The following CDH12 variants were observed in gnomAD, a reference collection of about 807,000 sequenced individuals.
The protein encoded by CDH12 is cadherin-12.
A neutral mutation model predicts 74.1 loss-of-function variants in CDH12; 41 were observed. The observed-to-expected ratio is 0.55, with a 90% CI of 0.43 to 0.72. The LOEUF (loss-of-function observed/expected upper bound fraction) is 0.72. CDH12 is among the 30% of genes least tolerant of loss of function. The pLI is 0.00. For missense variants in CDH12, 945 were observed against 977.2 expected, an observed-to-expected ratio of 0.97 and a Z score of 0.44; for synonymous variants, 399 against 355.0, an observed-to-expected ratio of 1.12 and a Z score of -1.39.
intron 3 of CDH12, among the ~76,000 whole-genome samples, chr5:22,245,592 G>C (rs1490223625): frequency 6.6e-6 from 1 of 151,894 alleles, no homozygotes; most frequent in East Asian, 1.9e-4. Context: ...TACCTTGAAT[G>C]TAAGAACTAC....
At chr5:22,114,791 T>A (rs985840723) in intron 4 of CDH12, among the ~76,000 whole-genome samples, 1 of 152,118 alleles carries the variant, frequency 6.6e-6, no homozygotes, top group African/African-American at 2.4e-5. Context: ...CAAAAGAAAA[T>A]CCAGGATATT....
chr5:22,761,257 T>G (rs1420544343), intron 1 of CDH12, among the ~76,000 whole-genome samples: 6 of 152,178 alleles, frequency 3.9e-5, no homozygotes, highest in African/African-American at 7.2e-5. Flanking sequence ...GTTTCATGAT[T>G]TATATCCTGG....
chr5:21,880,166 G>A (rs538085244), intron 6 of CDH12, among the ~76,000 whole-genome samples: 2 of 152,308 alleles, frequency 1.3e-5, no homozygotes, highest in South Asian at 2.1e-4. Context: ...AGGGTTCACC[G>A]ACTTGGAAGT....
chr5:22,726,857 A>C (rs925980999), intron 1 of CDH12, among the ~76,000 whole-genome samples: 1 of 151,836 alleles, frequency 6.6e-6, no homozygotes, highest in Admixed American at 6.6e-5. Flanking sequence ...TTGCTAGAGC[A>C]GTGGATTATA....
chr5:22,046,125 C>A (rs1219353526), intron 5 of CDH12, among the ~76,000 whole-genome samples: 1 of 152,028 alleles, frequency 6.6e-6, no homozygotes, highest in Non-Finnish European at 1.5e-5. Context: ...AACTATAGGT[C>A]GTTTACTTGT....
chr5:22,572,120 CA>C (rs765827349), intron 1 of CDH12, among the ~76,000 whole-genome samples: 5 of 151,916 alleles, frequency 3.3e-5, no homozygotes, highest in Non-Finnish European at 5.9e-5. Context: ...TGAGTCTTTA[CA>C]AGTAAACATG....
chr5:21,759,132 A>G (rs1450732862), intron 13 of CDH12, among the ~76,000 whole-genome samples: 7 of 152,166 alleles, frequency 4.6e-5, no homozygotes, highest in Non-Finnish European at 8.8e-5. Flanking sequence ...AAAATTTTAA[A>G]AAGTAAAATT....
chr5:22,801,252 G>A (rs1198916072), intron 1 of CDH12, among the ~76,000 whole-genome samples: 1 of 152,062 alleles, frequency 6.6e-6, no homozygotes, highest in African/African-American at 2.4e-5. Flanking sequence ...GGTGTGCAGT[G>A]GTTCCATAGA....
intron 1 of CDH12, among the ~76,000 whole-genome samples, chr5:22,568,492 T>G (rs1261290403): frequency 1.3e-5 from 2 of 152,120 alleles, no homozygotes; most frequent in African/African-American, 2.4e-5. Context: ...AACATTTAAT[T>G]TTATCTGTTA....
chr5:22,735,355 T>C (rs1367476244), intron 1 of CDH12, among the ~76,000 whole-genome samples: 1 of 151,848 alleles, frequency 6.6e-6, no homozygotes, highest in Non-Finnish European at 1.5e-5. Flanking sequence ...AGGTCTTACT[T>C]GAAAATTTAT....
At chr5:21,938,748 A>ATATATATATATATC (rs1490336535) in intron 6 of CDH12, among the ~76,000 whole-genome samples, 121 of 136,512 alleles carry the variant, frequency 8.9e-4, no homozygotes, top group Middle Eastern at 3.7e-3. Flanking sequence ...ATATATATAT[A>ATATATATATATATC]TCTTCTACAT....
chr5:21,931,358 A>G (rs565224817), intron 6 of CDH12, among the ~76,000 whole-genome samples: 1 of 152,192 alleles, frequency 6.6e-6, no homozygotes, highest in African/African-American at 2.4e-5. Context: ...GTGTCTAATT[A>G]GAAACTACCT....
At chr5:21,786,261 C>T (rs927395148) in intron 10 of CDH12, among the ~76,000 whole-genome samples, 1 of 152,200 alleles carries the variant, frequency 6.6e-6, no homozygotes, top group African/African-American at 2.4e-5. Flanking sequence ...TCAAGCGATT[C>T]TCCTGCCTCA....
chr5:22,421,557 T>A (rs1743653786), intron 2 of CDH12, among the ~76,000 whole-genome samples: 1 of 152,168 alleles, frequency 6.6e-6, no homozygotes, highest in South Asian at 2.1e-4. Context: ...ATGGTGTATA[T>A]GTGCCATCTT....
At chr5:22,287,364 A>G (rs1159254534) in intron 3 of CDH12, among the ~76,000 whole-genome samples, 1 of 152,162 alleles carries the variant, frequency 6.6e-6, no homozygotes, top group East Asian at 1.9e-4. Context: ...TTGATAATAT[A>G]AATGTCAATT....
intron 4 of CDH12, among the ~76,000 whole-genome samples, chr5:22,126,227 G>A: frequency 6.6e-6 from 1 of 152,200 alleles, no homozygotes; most frequent in East Asian, 1.9e-4. Context: ...GAAGCACTTA[G>A]GGAAATGTGT....
intron 5 of CDH12, among the ~76,000 whole-genome samples, chr5:22,045,849 G>A (rs948615699): frequency 2.6e-5 from 4 of 152,248 alleles, no homozygotes; most frequent in Non-Finnish European, 4.4e-5. Flanking sequence ...TTACAGTTAA[G>A]AGGGATAAAT....
At chr5:22,368,605 T>C (rs537811686) in intron 3 of CDH12, among the ~76,000 whole-genome samples, 89 of 152,196 alleles carry the variant, frequency 5.8e-4, no homozygotes, top group African/African-American at 2.1e-3. Context: ...ATAATAAATA[T>C]GTATTTAGTT....
At chr5:22,041,498 A>C (rs918294719) in intron 5 of CDH12, among the ~76,000 whole-genome samples, 1 of 152,176 alleles carries the variant, frequency 6.6e-6, no homozygotes, top group African/African-American at 2.4e-5. Flanking sequence ...TTCCATGCAA[A>C]TGATAAGACA....
Sources: gnomAD v4.1 joint callset for allele counts (sites outside exome capture counted in the v4.1 genomes callset) on GRCh38, gnomAD v4.1.1 for gene constraint, MANE v1.5 for transcripts, NCBI Gene and HGNC (gene_info 2026-07-23, HGNC 2026-07-21) for gene names.